IK: variants seen among roughly 807,000 people sequenced by gnomAD.
IK encodes the protein protein Red.
IK carries 47 observed loss-of-function variants against 90.9 expected under a neutral mutation model. The observed-to-expected ratio is 0.52, with a 90% confidence interval of 0.41 to 0.66. The LOEUF is 0.66. Ranked by LOEUF, IK falls within the 30% of genes least tolerant of loss-of-function variation. IK has a pLI of 0.00. For missense variants in IK, 385 were observed against 709.3 expected, an observed-to-expected ratio of 0.54 and a Z score of 5.19; for synonymous variants, 201 against 227.5, an observed-to-expected ratio of 0.88 and a Z score of 1.05.
In IK at chr5:140,647,861, T is replaced by C. The variant is rs770798087; in HGVS notation, c.-48T>C. ...GGGAAAGAGCTTGTCGCTGCGGTGT[T>C]GCTGTTGGAGACTCGATTGTTGGTG... On this transcript the variant is annotated 5_prime_UTR_variant, in exon 1 of 20. Coordinates refer to ENST00000417647, the MANE Select transcript of IK (RefSeq NM_006083.4). 5.0e-5 allele frequency: 81 copies of C among 1,612,140 alleles called. No individual in the cohort carries two copies. Among genetic ancestry groups the C allele is most frequent in the Non-Finnish European group, 6.5e-5 (77 of 1,178,346 alleles).
chr5:140,655,678 GATA>G (rs1757697276), intron 8 of IK, 148 bp from the exon 9 acceptor site: 1 of 691,926 alleles, frequency 1.4e-6, no homozygotes, highest in Admixed American at 2.8e-5. Flanking sequence ...CAGTAAAAAG[GATA>G]ATAATATCCA....
At chr5:140,651,987 A>G (rs1757623490) in intron 3 of IK, 101 bp from the exon 4 acceptor site, 1 of 948,406 alleles carries the variant, frequency 1.1e-6, no homozygotes, top group Admixed American at 1.9e-5. Context: ...TGTTACTTTG[A>G]TCAGTATTCT....
chr5:140,655,717 A>T, intron 8 of IK, 112 bp from the exon 9 acceptor site: 1 of 1,022,592 alleles, frequency 9.8e-7, no homozygotes, highest in Non-Finnish European at 1.4e-6. Context: ...GCAAAGATTA[A>T]ATGACGCAAA....
intron 5 of IK, among the ~76,000 whole-genome samples, chr5:140,653,447 C>T (rs190136278): frequency 0.018 from 2,730 of 151,038 alleles, 68 homozygotes; most frequent in African/African-American, 0.063. Flanking sequence ...CCACCACGCC[C>T]GGCTAATTTT....
At chr5:140,654,641 G>A (rs1319143122) in intron 7 of IK, 40 bp from the exon 8 acceptor site, 1 of 1,581,786 alleles carries the variant, frequency 6.3e-7, no homozygotes, top group Non-Finnish European at 8.6e-7. Flanking sequence ...CCTAAAGTTA[G>A]AGCACATTTA....
At chr5:140,651,952 G>A (rs1583005) in intron 3 of IK, 136 bp from the exon 4 acceptor site, 348,380 of 820,686 alleles carry the variant, frequency 0.42, 75,134 homozygotes, top group East Asian at 0.47. Context: ...ACAAATATTG[G>A]TGTGGATTTC....
In IK at chr5:140,662,161, A is replaced by G. The variant is rs183609720; in HGVS notation, c.1612-18A>G. 16 of 1,613,898 alleles carry G rather than the reference A, an allele frequency of 9.9e-6. No homozygotes were observed. Among genetic ancestry groups the G allele is most frequent in the African/African-American group, 1.3e-5 (1 of 75,042 alleles). On this transcript the variant is annotated intron_variant, in intron 18 of 19. Transcript: ENST00000417647. The stretch of plus-strand genomic sequence containing the variant: ...TAGATGGGCAGCTTGGTGATAGACT[A>G]TCCTGTTGTTTTTGCAGATCATTGA...
At chr5:140,649,469 C>T (rs1454107208) in intron 2 of IK, among the ~76,000 whole-genome samples, 1 of 151,992 alleles carries the variant, frequency 6.6e-6, no homozygotes, top group Non-Finnish European at 1.5e-5. Context: ...CCCGCCTCAG[C>T]CTCCTAAAGT....
intron 11 of IK, 67 bp from the exon 12 acceptor site, chr5:140,658,872 A>C: frequency 6.2e-7 from 1 of 1,602,350 alleles, no homozygotes. Flanking sequence ...GAGAATCTGG[A>C]GAAATGGTCA....
chr5:140,654,630 A>C, intron 7 of IK, 44 bp downstream of exon 7: 1 of 1,580,188 alleles, frequency 6.3e-7, no homozygotes. Context: ...GAAAGGTGGG[A>C]CCTAAAGTTA....
At chr5:140,662,139 A>T in intron 18 of IK, 40 bp from the exon 19 acceptor site, 3 of 1,613,054 alleles carry the variant, frequency 1.9e-6, no homozygotes, top group Non-Finnish European at 2.5e-6. Context: ...GTGAGCTTAG[A>T]TGGGCAGCTT....
intron 8 of IK, 134 bp downstream of exon 8, chr5:140,654,861 T>A: frequency 1.5e-6 from 1 of 687,326 alleles, no homozygotes; most frequent in Non-Finnish European, 2.5e-6. Context: ...AGTGTCTCAC[T>A]TAATCGCCCA....
rs994115489 is a variant in IK, at chr5:140,659,255, G to A, written c.1177-60G>A. 10 of 1,613,012 alleles carry A rather than the reference G, an allele frequency of 6.2e-6. No homozygotes were observed. In the African/African-American group the frequency reaches 1.1e-4, roughly 17 times the overall value. ...GGTAAGGAATTGTTTCAAACTTGGG[G>A]GAGGGATGAGTAGGAATCTCTCATG... On this transcript the variant is annotated intron_variant, in intron 12 of 19. Coordinates refer to ENST00000417647, the MANE Select transcript of IK (RefSeq NM_006083.4).
intron 5 of IK, 22 bp from the exon 6 acceptor site, chr5:140,653,916 T>C (rs1391896841): frequency 7.5e-6 from 11 of 1,457,556 alleles, no homozygotes; most frequent in Non-Finnish European, 6.7e-6. Flanking sequence ...ACTGTTCTTA[T>C]GTGGCCTCTT....
intron 2 of IK, among the ~76,000 whole-genome samples, chr5:140,649,213 C>CTT (rs1177181637): frequency 2.6e-4 from 35 of 132,718 alleles, no homozygotes; most frequent in South Asian, 7.3e-4. Context: ...TCTTTTCTTT[C>CTT]TTTTTTTTTT....
In IK at chr5:140,647,895, A is replaced by G; in HGVS notation, c.-14A>G. The G allele has an allele frequency of 6.2e-7, 1 of 1,614,032 alleles. No individual in the cohort carries two copies. The highest frequency in any genetic ancestry group is 1.7e-5 in the Admixed American group (1 of 60,028). ...AGACTCGATTGTTGGTGACAGCGAA[A>G]GAACGATAACAAAATGCCGGAGCGA... On this transcript the variant is annotated 5_prime_UTR_variant, in exon 1 of 20. Transcript: ENST00000417647.
In IK at chr5:140,662,201, T is replaced by C; in HGVS notation, c.1634T>C (p.Met545Thr). 6.2e-7 allele frequency: 1 copy of C among 1,613,940 alleles called. No homozygotes were observed. The highest frequency in any genetic ancestry group is 8.5e-7 in the Non-Finnish European group (1 of 1,179,880). ...CAGATCATTGAGAAGAGGAAGAAGA[T>C]GGAAGCTGATGGGTGAGCGGCATTA... ...ISAIIEKRKK[M>T]EADGVEVKRP... The change falls in exon 19 of 20, where the codon ATG (methionine) becomes ACG (threonine). Residue 545 changes from methionine to threonine, a missense_variant. Transcript: ENST00000417647.
At chr5:140,660,727 C>G in intron 15 of IK, 31 bp from the exon 16 acceptor site, 1 of 1,584,778 alleles carries the variant, frequency 6.3e-7, no homozygotes, top group Non-Finnish European at 8.7e-7. Flanking sequence ...TCAGGGTATG[C>G]AACATCTGTT....
intron 2 of IK, chr5:140,649,053 T>A (rs73271541): frequency 0.019 from 3,022 of 160,962 alleles, 101 homozygotes; most frequent in African/African-American, 0.07. Context: ...ATCAGGCTGG[T>A]CTTGAAATCC....
Sources: gnomAD v4.1 joint callset for allele counts (sites outside exome capture counted in the v4.1 genomes callset) on GRCh38, gnomAD v4.1.1 for gene constraint, MANE v1.5 for transcripts, NCBI Gene and HGNC (gene_info 2026-07-23, HGNC 2026-07-21) for gene names.